Variants in CACNB2 observed in about 807,000 individuals in gnomAD.
The protein encoded by CACNB2 is calcium voltage-gated channel auxiliary subunit beta 2, also known as voltage-dependent L-type calcium channel subunit beta-2.
Under a neutral mutation model 73.3 loss-of-function variants are expected in CACNB2, and 42 were observed. The observed-to-expected ratio is 0.57, with a 90% CI of 0.45 to 0.74. The LOEUF is 0.74. CACNB2 is among the 30% of genes least tolerant of loss of function. The probability of loss-of-function intolerance (pLI) is 0.00; values close to 1 mark genes in which losing one functional copy is unlikely to be tolerated. For missense variants in CACNB2, 940 were observed against 853.0 expected (o/e 1.10, Z -1.27); for synonymous variants, 348 against 310.3 (o/e 1.12, Z -1.28).
chr10:18,380,612 G>T (rs1171989173), intron 2 of CACNB2, among the ~76,000 whole-genome samples: 2 of 151,452 alleles, frequency 1.3e-5, no homozygotes, highest in African/African-American at 4.9e-5. Context: ...GTGCCACCAC[G>T]CCCAGCTAAT....
intron 2 of CACNB2, among the ~76,000 whole-genome samples, chr10:18,310,852 G>T (rs1277338658): frequency 6.6e-6 from 1 of 151,760 alleles, no homozygotes; most frequent in Non-Finnish European, 1.5e-5. Context: ...CAAAGTGCTG[G>T]TATTACAGAC....
chr10:18,220,118 T>C (rs1372668266), intron 2 of CACNB2, among the ~76,000 whole-genome samples: 1 of 19,344 alleles, frequency 5.2e-5, no homozygotes, highest in Non-Finnish European at 8.2e-5. Flanking sequence ...TTAATATATA[T>C]ATATATATAT....
At chr10:18,200,394 T>G (rs1165111618) in intron 2 of CACNB2, among the ~76,000 whole-genome samples, 1 of 152,058 alleles carries the variant, frequency 6.6e-6, no homozygotes, top group Admixed American at 6.6e-5. Context: ...CTTTGGTATA[T>G]CTTATGACTT....
At chr10:18,165,954 A>C (rs1240167693) in intron 2 of CACNB2, among the ~76,000 whole-genome samples, 1 of 152,188 alleles carries the variant, frequency 6.6e-6, no homozygotes, top group Admixed American at 6.5e-5. Flanking sequence ...TATTGTGTTC[A>C]TGTTAGATTT....
chr10:18,533,738 G>C (rs4748483), intron 10 of CACNB2, among the ~76,000 whole-genome samples: 75,523 of 152,044 alleles, frequency 0.5, 19,375 homozygotes, highest in East Asian at 0.8. Flanking sequence ...CGGAAGATAT[G>C]TCAAGGTTCT....
intron 3 of CACNB2, among the ~76,000 whole-genome samples, chr10:18,448,671 G>A (rs377130747): frequency 5.3e-5 from 8 of 152,198 alleles, no homozygotes; most frequent in African/African-American, 1.9e-4. Flanking sequence ...TGCTGATGCA[G>A]TTGACCTGGG....
chr10:18,370,856 C>G (rs189686193), intron 2 of CACNB2, among the ~76,000 whole-genome samples: 1 of 152,172 alleles, frequency 6.6e-6, no homozygotes, highest in African/African-American at 2.4e-5. Flanking sequence ...TAGATACACA[C>G]ATATGTGTAT....
intron 2 of CACNB2, among the ~76,000 whole-genome samples, chr10:18,153,199 C>A (rs1286645942): frequency 2.7e-5 from 4 of 150,818 alleles, no homozygotes; most frequent in Admixed American, 6.6e-5. Flanking sequence ...GAAGGCAAAA[C>A]CAAATTTATC....
intron 2 of CACNB2, among the ~76,000 whole-genome samples, chr10:18,321,547 T>G (rs923366658): frequency 6.6e-6 from 1 of 152,228 alleles, no homozygotes; most frequent in African/African-American, 2.4e-5. Context: ...AATGGACTGT[T>G]TGTAACTCAC....
chr10:18,371,816 C>G (rs2132296713), intron 2 of CACNB2, among the ~76,000 whole-genome samples: 1 of 152,320 alleles, frequency 6.6e-6, no homozygotes, highest in East Asian at 1.9e-4. Flanking sequence ...TACAGTCCCA[C>G]CAACAGTGTA....
chr10:18,170,901 G>T (rs1490219513), intron 2 of CACNB2, among the ~76,000 whole-genome samples: 2 of 152,122 alleles, frequency 1.3e-5, no homozygotes, highest in African/African-American at 4.8e-5. Flanking sequence ...AACATATTAA[G>T]ATTTTCCATA....
chr10:18,400,413 A>G (rs2043931386), intron 2 of CACNB2, among the ~76,000 whole-genome samples: 1 of 152,228 alleles, frequency 6.6e-6, no homozygotes, highest in South Asian at 2.1e-4. Flanking sequence ...CCCGATTACT[A>G]TAGAACCGAA....
chr10:18,333,663 ACTGT>A (rs1310101648), intron 2 of CACNB2, among the ~76,000 whole-genome samples: 2 of 152,186 alleles, frequency 1.3e-5, no homozygotes, highest in Non-Finnish European at 2.9e-5. Context: ...GTTATGATTC[ACTGT>A]CTGGCTAACA....
intron 2 of CACNB2, among the ~76,000 whole-genome samples, chr10:18,219,176 AAATACTTC>A (rs59493665): frequency 0.12 from 18,003 of 152,046 alleles, 1,666 homozygotes; most frequent in African/African-American, 0.27. Context: ...AAGACACAAA[AAATACTTC>A]TACCTCCAGA....
At chr10:18,306,952 G>A (rs941402560) in intron 2 of CACNB2, among the ~76,000 whole-genome samples, 4 of 152,170 alleles carry the variant, frequency 2.6e-5, no homozygotes, top group Admixed American at 6.5e-5. Flanking sequence ...AAAATAATAT[G>A]GGTTAAAGGC....
chr10:18,172,309 A>G (rs961930976), intron 2 of CACNB2, among the ~76,000 whole-genome samples: 7 of 152,198 alleles, frequency 4.6e-5, no homozygotes, highest in African/African-American at 7.2e-5. Context: ...GGTTGCAGTG[A>G]GCCAAGATCA....
intron 4 of CACNB2, among the ~76,000 whole-genome samples, chr10:18,500,233 C>T (rs969667140): frequency 6.6e-6 from 1 of 152,046 alleles, no homozygotes; most frequent in Non-Finnish European, 1.5e-5. Context: ...TTTATTCAAT[C>T]GAGGAAAAAG....
chr10:18,375,712 C>A (rs2042771712), intron 2 of CACNB2, among the ~76,000 whole-genome samples: 1 of 152,054 alleles, frequency 6.6e-6, no homozygotes, highest in Admixed American at 6.6e-5. Context: ...CATCTGAAGC[C>A]CAGAGAGCAA....
intron 2 of CACNB2, among the ~76,000 whole-genome samples, chr10:18,392,222 C>T (rs924148648): frequency 1.3e-5 from 2 of 151,200 alleles, no homozygotes; most frequent in Admixed American, 1.3e-4. Context: ...TAGAGATCAG[C>T]GGAAGAGGAC....
Sources: allele counts gnomAD v4.1 joint callset (sites outside exome capture counted in the v4.1 genomes callset), GRCh38; gene constraint gnomAD v4.1.1; transcripts MANE v1.5; gene names NCBI Gene and HGNC (gene_info 2026-07-23, HGNC 2026-07-21).